The following CMKLR2 variants were observed in gnomAD, a reference collection of about 807,000 sequenced individuals.
The protein encoded by CMKLR2 is chemerin-like receptor 2.
A neutral mutation model predicts 23.0 loss-of-function variants in CMKLR2; 18 were observed. That is an observed-to-expected ratio of 0.78 (90% CI 0.54 to 1.16). The LOEUF is 1.16. Among genes scored for constraint, CMKLR2 ranks in the 50% most tolerant of loss-of-function variants. CMKLR2 has a pLI of 0.00. For synonymous variants in CMKLR2, 158 were observed against 158.9 expected (o/e 0.99, Z 0.05); for missense variants, 401 against 412.7 (o/e 0.97, Z 0.25).
At chr2:206,177,877 A>G (rs1210354749) in intron 1 of CMKLR2, among the ~76,000 whole-genome samples, 1 of 152,168 alleles carries the variant, frequency 6.6e-6, no homozygotes, top group Non-Finnish European at 1.5e-5. Flanking sequence ...TGTAGGGCTG[A>G]CTAGAGAGAA....
At chr2:206,197,160 G>A (rs1370984639) in intron 1 of CMKLR2, among the ~76,000 whole-genome samples, 5 of 152,062 alleles carry the variant, frequency 3.3e-5, no homozygotes, top group Non-Finnish European at 7.4e-5. Flanking sequence ...TGCCTGCGTC[G>A]GCCTCCCAAA....
At chr2:206,191,102 G>A (rs1688733562) in intron 1 of CMKLR2, among the ~76,000 whole-genome samples, 1 of 152,176 alleles carries the variant, frequency 6.6e-6, no homozygotes, top group African/African-American at 2.4e-5. Context: ...CGTGGTCTAT[G>A]GGTTGTAGAA....
At chr2:206,202,042 T>C (rs1219413262) in intron 1 of CMKLR2, among the ~76,000 whole-genome samples, 1 of 152,206 alleles carries the variant, frequency 6.6e-6, no homozygotes, top group Admixed American at 6.5e-5. Flanking sequence ...TTGTTAAACA[T>C]TTAAAAACTA....
chr2:206,209,356 C>G (rs888147991), intron 1 of CMKLR2, among the ~76,000 whole-genome samples: 1 of 151,248 alleles, frequency 6.6e-6, no homozygotes, highest in African/African-American at 2.4e-5. Context: ...AAAAAAAGCA[C>G]TTTTTTGTTG....
intron 1 of CMKLR2, among the ~76,000 whole-genome samples, chr2:206,180,234 T>A (rs1688366788): frequency 6.6e-6 from 1 of 152,002 alleles, no homozygotes; most frequent in African/African-American, 2.4e-5. Flanking sequence ...CATACACTTG[T>A]AATCCCAGTG....
intron 1 of CMKLR2, among the ~76,000 whole-genome samples, chr2:206,190,841 C>T (rs1218516896): frequency 6.6e-6 from 1 of 151,988 alleles, no homozygotes; most frequent in Non-Finnish European, 1.5e-5. Flanking sequence ...GCATGTCAGC[C>T]CCCATGCTTC....
intron 1 of CMKLR2, among the ~76,000 whole-genome samples, chr2:206,192,836 C>G (rs1379594343): frequency 2.0e-5 from 3 of 152,084 alleles, no homozygotes; most frequent in African/African-American, 7.2e-5. Context: ...CCACACATAC[C>G]AAAATCCAAG....
chr2:206,187,907 T>C (rs1171785425), intron 1 of CMKLR2, among the ~76,000 whole-genome samples: 1 of 152,072 alleles, frequency 6.6e-6, no homozygotes, highest in Non-Finnish European at 1.5e-5. Context: ...GTCTCTTTTT[T>C]TAATTTTTGA....
chr2:206,183,573 T>C (rs541433598), intron 1 of CMKLR2, among the ~76,000 whole-genome samples: 139 of 152,276 alleles, frequency 9.1e-4, no homozygotes, highest in Middle Eastern at 3.4e-3. Flanking sequence ...ATGAACACAT[T>C]AGATTTAAGG....
chr2:206,188,533 T>A (rs1304710256), intron 1 of CMKLR2, among the ~76,000 whole-genome samples: 1 of 152,244 alleles, frequency 6.6e-6, no homozygotes, highest in African/African-American at 2.4e-5. Flanking sequence ...ACCTCCAAGC[T>A]GTATTGTGAA....
intron 1 of CMKLR2, among the ~76,000 whole-genome samples, chr2:206,186,797 T>G (rs1463631066): frequency 6.6e-6 from 1 of 151,586 alleles, no homozygotes; most frequent in Admixed American, 6.6e-5. Context: ...CCTTTTTTTT[T>G]TTTTTTTTTT....
intron 1 of CMKLR2, among the ~76,000 whole-genome samples, chr2:206,211,574 A>C (rs2105844966): frequency 6.6e-6 from 1 of 152,098 alleles, no homozygotes; most frequent in South Asian, 2.1e-4. Context: ...AGAGATGAGA[A>C]GTCTCCACAC....
At chr2:206,207,929 A>C (rs1190228375) in intron 1 of CMKLR2, among the ~76,000 whole-genome samples, 1 of 151,096 alleles carries the variant, frequency 6.6e-6, no homozygotes, top group East Asian at 2.0e-4. Flanking sequence ...TTTAGTAGAG[A>C]CAGTTTCTCC....
chr2:206,214,165 ATTTTTTTTT>A (rs34307347), upstream of CMKLR2, among the ~76,000 whole-genome samples: 2 of 64,928 alleles, frequency 3.1e-5, no homozygotes, highest in African/African-American at 6.6e-5. Flanking sequence ...TAAAGACTTG[ATTTTTTTTT>A]TTTTTTTTTT....
chr2:206,200,591 C>G (rs1689062966), intron 1 of CMKLR2, among the ~76,000 whole-genome samples: 1 of 152,174 alleles, frequency 6.6e-6, no homozygotes, highest in African/African-American at 2.4e-5. Context: ...ACCAGTAATA[C>G]AATATACCTT....
Position 206,175,322 on chromosome 2 carries a change from GAT to G in CMKLR2, c.*856_*857del. On this transcript the variant is annotated 3_prime_UTR_variant, in exon 2 of 2. Coordinates refer to ENST00000621141, the MANE Select transcript of CMKLR2 (RefSeq NM_001389445.1). Reference sequence around the variant, plus strand: ...TCATTAACTAGAACAGATGTTTTAAGATAACCAACAATTACTTTAATTCATAA... The same window carrying G: ...TCATTAACTAGAACAGATGTTTTAAGAACCAACAATTACTTTAATTCATAA... The G allele has an allele frequency of 6.6e-6, 1 of 152,212 alleles. No individual in the cohort carries two copies. The highest frequency in any genetic ancestry group is 1.5e-5 in the Non-Finnish European group (1 of 68,010). The allele number at this position is 152,212 out of a possible 1,614,324, so 9.4% of individuals were successfully genotyped here.
intron 1 of CMKLR2, among the ~76,000 whole-genome samples, chr2:206,202,576 T>C (rs1448421829): frequency 6.6e-6 from 1 of 152,116 alleles, no homozygotes; most frequent in Admixed American, 6.6e-5. Context: ...TTCTCCTGCT[T>C]CAGCCTCTTG....
upstream of CMKLR2, among the ~76,000 whole-genome samples, chr2:206,215,510 T>G (rs1417285581): frequency 6.6e-6 from 1 of 152,208 alleles, no homozygotes; most frequent in African/African-American, 2.4e-5. Context: ...CCACGCATAG[T>G]TTAAGCACAG....
In CMKLR2 at chr2:206,184,303, T is replaced by TA. The variant is rs555635471; in HGVS notation, c.-28-7029_-28-7028insT. ...AACCCCATTTCTCTCTCTCTCTCTT[T>TA]TTTTTTTTTTTAAGACAGGTTTCGC... On this transcript the variant is annotated intron_variant, in intron 1 of 1. Transcript: ENST00000621141. Among the ~76,000 whole-genome samples the TA allele has an allele frequency of 1.9e-3, 293 of 151,182 alleles. 1 individual carries two copies. The highest frequency in any genetic ancestry group is 6.7e-3 in the African/African-American group (278 of 41,294).
Sources: gnomAD v4.1 joint callset for allele counts (sites outside exome capture counted in the v4.1 genomes callset) on GRCh38, gnomAD v4.1.1 for gene constraint, MANE v1.5 for transcripts, NCBI Gene and HGNC (gene_info 2026-07-23, HGNC 2026-07-21) for gene names.